The following EPHA5 variants were observed in gnomAD, a reference collection of about 807,000 sequenced individuals.
The protein encoded by EPHA5 is EPH receptor A5, also known as ephrin type-A receptor 5.
In EPHA5, 60 loss-of-function variants were observed where a neutral mutation model predicts 105.0. That is an observed-to-expected ratio of 0.57 (90% CI 0.46 to 0.71). The LOEUF (loss-of-function observed/expected upper bound fraction) is 0.71. Among genes scored for constraint, EPHA5 ranks in the 30% least tolerant of loss-of-function variants. EPHA5 has a pLI of 0.00. For synonymous variants in EPHA5, 513 were observed against 449.1 expected (o/e 1.14, Z -1.80); for missense variants, 1,218 against 1,274.7 (o/e 0.96, Z 0.68).
At chr4:65,340,764 G>C (rs1240475193) in intron 14 of EPHA5, among the ~76,000 whole-genome samples, 2 of 152,168 alleles carry the variant, frequency 1.3e-5, no homozygotes, top group Non-Finnish European at 2.9e-5. Flanking sequence ...CAAGAGAATA[G>C]AGCATGTCAA....
At chr4:65,373,084 C>T (rs977041227) in intron 8 of EPHA5, among the ~76,000 whole-genome samples, 2 of 151,828 alleles carry the variant, frequency 1.3e-5, no homozygotes, top group African/African-American at 2.4e-5. Context: ...TATTCTAATG[C>T]TAGAGTACGT....
chr4:65,462,382 G>A (rs72641061), intron 5 of EPHA5, among the ~76,000 whole-genome samples: 1,918 of 152,266 alleles, frequency 0.013, 17 homozygotes, highest in Non-Finnish European at 0.02. Flanking sequence ...ACCAACTGCT[G>A]TAATGAAACT....
chr4:65,403,488 A>G (rs1285651126), intron 8 of EPHA5, among the ~76,000 whole-genome samples: 1 of 152,054 alleles, frequency 6.6e-6, no homozygotes, highest in African/African-American at 2.4e-5. Flanking sequence ...TTTCAAATGG[A>G]CAGCTCCCAT....
intron 5 of EPHA5, among the ~76,000 whole-genome samples, chr4:65,465,872 A>AT (rs1728670925): frequency 6.6e-6 from 1 of 152,182 alleles, no homozygotes; most frequent in South Asian, 2.1e-4. Flanking sequence ...TCGTTCACTC[A>AT]TTTTTTTGAA....
intron 3 of EPHA5, among the ~76,000 whole-genome samples, chr4:65,562,333 G>A (rs1739093814): frequency 6.6e-6 from 1 of 151,944 alleles, no homozygotes; most frequent in Admixed American, 6.6e-5. Context: ...TTAAGGCCAT[G>A]CTTCTCAATT....
At chr4:65,551,681 C>A (rs1578404168) in intron 3 of EPHA5, among the ~76,000 whole-genome samples, 1 of 152,128 alleles carries the variant, frequency 6.6e-6, no homozygotes, top group Middle Eastern at 3.4e-3. Context: ...TTTATTGTAA[C>A]ATTTTTATTG....
chr4:65,453,025 A>G (rs1457433074), intron 5 of EPHA5, among the ~76,000 whole-genome samples: 1 of 152,184 alleles, frequency 6.6e-6, no homozygotes, highest in African/African-American at 2.4e-5. Context: ...CAATGGTTTT[A>G]GTGACTCAGA....
At chr4:65,370,856 G>A (rs7685829) in intron 8 of EPHA5, among the ~76,000 whole-genome samples, 1,574 of 152,086 alleles carry the variant, frequency 0.01, 33 homozygotes, top group African/African-American at 0.036. Flanking sequence ...GGAACCTCCC[G>A]AAGCATCATT....
chr4:65,494,672 T>C (rs1206231868), intron 4 of EPHA5, among the ~76,000 whole-genome samples: 4 of 152,204 alleles, frequency 2.6e-5, no homozygotes, highest in Admixed American at 1.3e-4. Flanking sequence ...TTACTATTCA[T>C]CTACTCTACT....
intron 5 of EPHA5, among the ~76,000 whole-genome samples, chr4:65,460,771 G>A (rs1312971182): frequency 6.6e-6 from 1 of 151,722 alleles, no homozygotes; most frequent in Non-Finnish European, 1.5e-5. Flanking sequence ...AACTGTAATG[G>A]TGAAAAGGAT....
intron 3 of EPHA5, among the ~76,000 whole-genome samples, chr4:65,511,031 G>T (rs1052930216): frequency 6.6e-6 from 1 of 152,074 alleles, no homozygotes; most frequent in Non-Finnish European, 1.5e-5. Flanking sequence ...AGAATGGCCA[G>T]GTGAGGACAC....
intron 5 of EPHA5, among the ~76,000 whole-genome samples, chr4:65,456,721 T>TACACACACAC (rs71604535): frequency 3.0e-3 from 376 of 124,036 alleles, no homozygotes; most frequent in Middle Eastern, 0.011. Context: ...AAAATAAACA[T>TACACACACAC]ATACACACAC....
chr4:65,496,499 G>A lies in EPHA5; in HGVS notation c.911-956C>T, dbSNP rs1402875960. ...GTGGTGTTTGGTTTTTTGTTCTTGC[G>A]ATAGTTTACTGAGAATGATGATTTC... is the stretch of plus-strand genomic sequence containing the variant. On this transcript the variant is annotated intron_variant, in intron 3 of 16. Coordinates refer to ENST00000613740, the MANE Select transcript of EPHA5 (RefSeq NM_001281766.3). 2.7e-5 allele frequency among the ~76,000 whole-genome samples: 4 copies of A among 150,718 alleles called. No homozygotes were observed. In the East Asian group the frequency reaches 7.9e-4, roughly 30 times the overall value.
At chr4:65,573,077 C>A (rs1263342599) in intron 3 of EPHA5, among the ~76,000 whole-genome samples, 2 of 151,650 alleles carry the variant, frequency 1.3e-5, no homozygotes, top group Middle Eastern at 6.4e-3. Context: ...CACGATAATT[C>A]TGGAAGTTAT....
At chr4:65,556,051 G>A (rs530044616) in intron 3 of EPHA5, among the ~76,000 whole-genome samples, 1 of 152,182 alleles carries the variant, frequency 6.6e-6, no homozygotes, top group African/African-American at 2.4e-5. Flanking sequence ...ATGAATGTGT[G>A]CAGAATTCAT....
chr4:65,425,774 T>C (rs1357498145), intron 5 of EPHA5, among the ~76,000 whole-genome samples: 4 of 152,128 alleles, frequency 2.6e-5, no homozygotes, highest in African/African-American at 9.7e-5. Flanking sequence ...TAATCATTGT[T>C]AGCAACTTTG....
chr4:65,615,147 T>C (rs1745116516), intron 2 of EPHA5, among the ~76,000 whole-genome samples: 1 of 151,826 alleles, frequency 6.6e-6, no homozygotes, highest in Non-Finnish European at 1.5e-5. Flanking sequence ...CAGAAGCTTA[T>C]AGATCTCTAG....
At chr4:65,507,128 T>C (rs561921520) in intron 3 of EPHA5, among the ~76,000 whole-genome samples, 7 of 152,328 alleles carry the variant, frequency 4.6e-5, no homozygotes, top group African/African-American at 1.4e-4. Context: ...TAGGGAATCC[T>C]TTCCCCATTG....
intron 14 of EPHA5, among the ~76,000 whole-genome samples, chr4:65,341,815 T>C (rs923892320): frequency 6.6e-6 from 1 of 151,932 alleles, no homozygotes; most frequent in African/African-American, 2.4e-5. Context: ...TTGCTAGGCA[T>C]TTACTTGAAA....
Sources: allele counts gnomAD v4.1 joint callset (sites outside exome capture counted in the v4.1 genomes callset), GRCh38; gene constraint gnomAD v4.1.1; transcripts MANE v1.5; gene names NCBI Gene and HGNC (gene_info 2026-07-23, HGNC 2026-07-21).